Variants in ADGRA3 observed in about 807,000 individuals in gnomAD.
The protein encoded by ADGRA3 is G-protein coupled receptor 125.
ADGRA3 carries 56 observed loss-of-function variants against 119.8 expected under a neutral mutation model. The ratio of observed to expected loss-of-function variants is 0.47; its 90% confidence interval spans 0.38 to 0.58. ADGRA3 has a LOEUF of 0.58. Among genes scored for constraint, ADGRA3 ranks in the 20% least tolerant of loss-of-function variants. The pLI, the probability that ADGRA3 is intolerant of heterozygous loss-of-function variation, is 0.00. For missense variants in ADGRA3, 1,516 were observed against 1,649.0 expected, an observed-to-expected ratio of 0.92 and a Z score of 1.40; for synonymous variants, 607 against 623.8, an observed-to-expected ratio of 0.97 and a Z score of 0.40.
At chr4:22,509,052 A>T (rs993263211) in intron 1 of ADGRA3, among the ~76,000 whole-genome samples, 6 of 152,002 alleles carry the variant, frequency 3.9e-5, no homozygotes, top group Non-Finnish European at 1.5e-5. Context: ...CCCACTCCAG[A>T]TGGGATTGCA....
At position 22,397,130 on chromosome 4, in the gene ADGRA3, T is replaced by C. The variant is rs540157984; in HGVS notation, c.2481+4301A>G. ...CCAGCATCTATTATGGGTCAGGCCTTGTACTGATCCCTGGATAAGCACCAG... is the reference window on the plus strand; with the variant it reads ...CCAGCATCTATTATGGGTCAGGCCTCGTACTGATCCCTGGATAAGCACCAG... On this transcript the variant is annotated intron_variant, in intron 16 of 18. Transcript: ENST00000334304. Among the ~76,000 whole-genome samples, 166 of 151,900 alleles carry C rather than the reference T, an allele frequency of 1.1e-3. 1 individual carries two copies. Among genetic ancestry groups the C allele is most frequent in the African/African-American group, 3.9e-3 (162 of 41,482 alleles).
chr4:22,407,219 C>T (rs903921249), intron 14 of ADGRA3, among the ~76,000 whole-genome samples: 19 of 152,022 alleles, frequency 1.2e-4, no homozygotes, highest in Non-Finnish European at 1.0e-4. Context: ...TGCAGTGAGC[C>T]GAGATCAAGC....
rs1165362654 is a variant in ADGRA3, at chr4:22,388,296, G to A, written c.3375C>T (p.Cys1125=). 1.9e-6 allele frequency: 3 copies of A among 1,614,062 alleles called. No individual in the cohort carries two copies. The highest frequency in any genetic ancestry group is 2.7e-5 in the African/African-American group (2 of 75,016). ...AGTTCAAAGGTAAAGAATTGGCATGGCACTGAGCTGCAGCCGCCTGCAAGT... is the reference window on the plus strand; with the variant it reads ...AGTTCAAAGGTAAAGAATTGGCATGACACTGAGCTGCAGCCGCCTGCAAGT... ...LTNLQAAAAQ[C]HANSLPLNST... The change falls in exon 19 of 19, where the codon TGC becomes TGT. Residue 1125 remains cysteine, a synonymous_variant. Transcript: ENST00000334304.
At chr4:22,512,822 C>G (rs569464581) in intron 1 of ADGRA3, among the ~76,000 whole-genome samples, 12 of 152,254 alleles carry the variant, frequency 7.9e-5, no homozygotes, top group African/African-American at 2.9e-4. Context: ...TTCAAGCCAC[C>G]AAGCCTGTAG....
chr4:22,499,376 T>C (rs61105412), intron 1 of ADGRA3, among the ~76,000 whole-genome samples: 5,586 of 152,260 alleles, frequency 0.037, 359 homozygotes, highest in African/African-American at 0.13. Context: ...CCAGAAATGT[T>C]GTGATTTGCT....
At chr4:22,455,864 A>G in intron 3 of ADGRA3, 1 of 1,258,818 alleles carries the variant, frequency 7.9e-7, no homozygotes, top group Non-Finnish European at 1.0e-6. Flanking sequence ...CCTATGCAAG[A>G]AAACCCTAAA....
chr4:22,503,599 A>T (rs1368131108), intron 1 of ADGRA3, among the ~76,000 whole-genome samples: 3 of 149,778 alleles, frequency 2.0e-5, no homozygotes, highest in Non-Finnish European at 4.4e-5. Context: ...TGGCTGTTAA[A>T]TGCCTGTCAC....
intron 4 of ADGRA3, among the ~76,000 whole-genome samples, chr4:22,454,289 A>G (rs1717167208): frequency 6.6e-6 from 1 of 152,188 alleles, no homozygotes; most frequent in East Asian, 1.9e-4. Flanking sequence ...AATAATCATT[A>G]TAACTTTGAG....
At chr4:22,440,422 A>C (rs16872654) in intron 7 of ADGRA3, among the ~76,000 whole-genome samples, 16,029 of 152,148 alleles carry the variant, frequency 0.11, 893 homozygotes, top group Middle Eastern at 0.14. Context: ...TGAAAAATCA[A>C]TAGGAATCTC....
chr4:22,471,766 A>T (rs966910279), intron 2 of ADGRA3, among the ~76,000 whole-genome samples: 1 of 152,134 alleles, frequency 6.6e-6, no homozygotes, highest in African/African-American at 2.4e-5. Flanking sequence ...CTGTATATTT[A>T]TCTCTGTGGT....
intron 3 of ADGRA3, among the ~76,000 whole-genome samples, chr4:22,459,381 C>T (rs1717360907): frequency 6.6e-6 from 1 of 151,782 alleles, no homozygotes; most frequent in African/African-American, 2.4e-5. Flanking sequence ...AGGCTTAATA[C>T]CTGGGTGATG....
chr4:22,447,454 C>A lies in ADGRA3; in HGVS notation c.531G>T (p.Ala177=), dbSNP rs777068108. ...TTCTTACTTACAAAGACCGTAATGACGCAAGATAATCAAAAGTTCCTTGAG... is the reference window on the plus strand; with the variant it reads ...TTCTTACTTACAAAGACCGTAATGAAGCAAGATAATCAAAAGTTCCTTGAG... ...SLSQGTFDYL[A]SLRSLEFQTE... is the part of the protein sequence containing the mutation. The change falls in exon 5 of 19, where the codon GCG becomes GCT. Residue 177 remains alanine, a synonymous_variant. Transcript: ENST00000334304. 1.3e-6 allele frequency: 2 copies of A among 1,560,406 alleles called. No homozygotes were observed. Among genetic ancestry groups the A allele is most frequent in the African/African-American group, 2.8e-5 (2 of 71,868 alleles).
At chr4:22,458,122 G>A (rs1226463267) in intron 3 of ADGRA3, among the ~76,000 whole-genome samples, 1 of 152,172 alleles carries the variant, frequency 6.6e-6, no homozygotes, top group Non-Finnish European at 1.5e-5. Context: ...TGGGAGGGAT[G>A]GTTGAAATAA....
At chr4:22,454,113 G>A (rs1322900038) in intron 4 of ADGRA3, among the ~76,000 whole-genome samples, 1 of 152,022 alleles carries the variant, frequency 6.6e-6, no homozygotes, top group African/African-American at 2.4e-5. Flanking sequence ...TGTCTGCCTC[G>A]GCCTCGCAAA....
intron 8 of ADGRA3, among the ~76,000 whole-genome samples, chr4:22,437,920 C>A (rs1043855230): frequency 6.6e-6 from 1 of 152,104 alleles, no homozygotes; most frequent in Non-Finnish European, 1.5e-5. Context: ...GGAAAAAAAA[C>A]AGAAAATACC....
chr4:22,493,518 C>T (rs1718702382), intron 1 of ADGRA3, among the ~76,000 whole-genome samples: 1 of 152,138 alleles, frequency 6.6e-6, no homozygotes, highest in Non-Finnish European at 1.5e-5. Context: ...GATAGTTTCT[C>T]TGCTCTCCTG....
chr4:22,509,459 C>T (rs1047457725), intron 1 of ADGRA3, among the ~76,000 whole-genome samples: 1 of 151,130 alleles, frequency 6.6e-6, no homozygotes, highest in Admixed American at 6.6e-5. Context: ...GCCAAGATCG[C>T]CCCACTGCAC....
At chr4:22,447,931 A>G (rs990236895) in intron 4 of ADGRA3, among the ~76,000 whole-genome samples, 2 of 152,252 alleles carry the variant, frequency 1.3e-5, no homozygotes, top group East Asian at 1.9e-4. Flanking sequence ...GATGGCCTCA[A>G]TGATCAGCAG....
intron 14 of ADGRA3, among the ~76,000 whole-genome samples, chr4:22,405,202 G>A (rs1225562000): frequency 6.6e-6 from 1 of 152,100 alleles, no homozygotes; most frequent in Non-Finnish European, 1.5e-5. Context: ...AGCCGATTTA[G>A]TTCTCAAAAT....
Sources: gnomAD v4.1 joint callset for allele counts (sites outside exome capture counted in the v4.1 genomes callset) on GRCh38, gnomAD v4.1.1 for gene constraint, MANE v1.5 for transcripts, NCBI Gene and HGNC (gene_info 2026-07-23, HGNC 2026-07-21) for gene names.